Variants in MAPKAPK3 observed in about 807,000 individuals in gnomAD.
MAPKAPK3 encodes MAP kinase-activated protein kinase 3.
In MAPKAPK3, 35 loss-of-function variants were observed where a neutral mutation model predicts 49.2. That is an observed-to-expected ratio of 0.71 (90% confidence interval 0.54 to 0.94). MAPKAPK3 has a LOEUF of 0.94. Ranked by LOEUF, MAPKAPK3 falls within the 40% of genes least tolerant of loss-of-function variation. The pLI, the probability that MAPKAPK3 is intolerant of heterozygous loss-of-function variation, is 0.00. For missense variants in MAPKAPK3, 398 were observed against 493.1 expected (o/e 0.81, Z 1.83); for synonymous variants, 178 against 188.7 (o/e 0.94, Z 0.46).
At chr3:50,630,585 A>G (rs2032878654) in intron 2 of MAPKAPK3, among the ~76,000 whole-genome samples, 1 of 152,258 alleles carries the variant, frequency 6.6e-6, no homozygotes, top group Non-Finnish European at 1.5e-5. Context: ...AACATCTGCC[A>G]TTGTTGTAAC....
chr3:50,633,820 T>C (rs1350408141), intron 2 of MAPKAPK3, among the ~76,000 whole-genome samples: 2 of 152,212 alleles, frequency 1.3e-5, no homozygotes, highest in Non-Finnish European at 2.9e-5. Context: ...AAACTGCAAA[T>C]TGTTTTCCAA....
chr3:50,642,155 C>G, intron 4 of MAPKAPK3, 98 bp from the exon 5 acceptor site: 2 of 814,402 alleles, frequency 2.5e-6, no homozygotes, highest in Middle Eastern at 2.3e-4. Flanking sequence ...GTCTTCTTGT[C>G]TTGTGCTGGC....
At chr3:50,617,907 A>G (rs1348624047) in intron 2 of MAPKAPK3, 123 bp downstream of exon 2, 1 of 740,444 alleles carries the variant, frequency 1.4e-6, no homozygotes, top group Non-Finnish European at 2.3e-6. Flanking sequence ...TCATCGTCAT[A>G]CTGTCCTGTA....
chr3:50,634,967 C>T (rs1267407496), intron 2 of MAPKAPK3, among the ~76,000 whole-genome samples: 1 of 152,190 alleles, frequency 6.6e-6, no homozygotes, highest in Non-Finnish European at 1.5e-5. Flanking sequence ...CAAGGAACGC[C>T]TGTCTAGAAG....
upstream of MAPKAPK3, chr3:50,611,561 TA>T: frequency 6.6e-7 from 1 of 1,523,686 alleles, no homozygotes; most frequent in East Asian, 2.7e-5. Flanking sequence ...GCCCGGCAGC[TA>T]GCACGAAGCC....
At chr3:50,645,925 C>A in intron 7 of MAPKAPK3, 140 bp downstream of exon 7, 1 of 1,011,746 alleles carries the variant, frequency 9.9e-7, no homozygotes, top group Non-Finnish European at 1.5e-6. Flanking sequence ...CTGCCCTTCC[C>A]TTTTGGTCAT....
chr3:50,637,343 A>C (rs1020529802), intron 2 of MAPKAPK3, among the ~76,000 whole-genome samples: 1 of 152,172 alleles, frequency 6.6e-6, no homozygotes, highest in African/African-American at 2.4e-5. Flanking sequence ...AAGCAAAACC[A>C]GTAAGAAAGG....
At chr3:50,615,169 C>G (rs2032430284), upstream of MAPKAPK3, among the ~76,000 whole-genome samples, 3 of 152,298 alleles carry the variant, frequency 2.0e-5, no homozygotes, top group South Asian at 6.2e-4. Context: ...TAGTTGCCTT[C>G]AGAGAGCAGA....
In MAPKAPK3 at chr3:50,640,457, A is replaced by G. The variant is rs1188918209; in HGVS notation, c.311A>G (p.Tyr104Cys). 6.2e-7 allele frequency: 1 copy of G among 1,614,104 alleles called. No individual in the cohort carries two copies. The highest frequency in any genetic ancestry group is 8.5e-7 in the Non-Finnish European group (1 of 1,179,968). ...CATATTGTCTGCATCCTGGATGTGT[A>G]TGAGAACATGCACCATGGCAAGCGC... The part of the protein sequence containing the change: ...GPHIVCILDV[Y>C]ENMHHGKRCL... Residue 104 changes from tyrosine (Y) to cysteine (C), a missense_variant, in exon 3 of 11, where the codon TAT becomes TGT. By Grantham distance (194) the Tyr-to-Cys change is radical (BLOSUM62 -2). Transcript: ENST00000621469.
At chr3:50,621,517 G>T (rs2032608310) in intron 2 of MAPKAPK3, among the ~76,000 whole-genome samples, 2 of 150,356 alleles carry the variant, frequency 1.3e-5, no homozygotes, top group Non-Finnish European at 2.9e-5. Flanking sequence ...AGAATCGCTT[G>T]AACCTGGGAG....
chr3:50,642,794 A>G (rs1383005195), intron 5 of MAPKAPK3, among the ~76,000 whole-genome samples: 7 of 152,168 alleles, frequency 4.6e-5, no homozygotes, highest in African/African-American at 1.7e-4. Context: ...TGTGGATGCA[A>G]TGTGCCAGGC....
intron 8 of MAPKAPK3, 96 bp from the exon 9 acceptor site, chr3:50,646,644 C>A (rs1262413322): frequency 6.4e-6 from 7 of 1,093,758 alleles, no homozygotes; most frequent in Non-Finnish European, 9.7e-6. Flanking sequence ...GGAGCACATG[C>A]AGCCCCTGCC....
upstream of MAPKAPK3, among the ~76,000 whole-genome samples, chr3:50,613,420 T>C (rs748206088): frequency 1.3e-5 from 2 of 152,178 alleles, no homozygotes; most frequent in Non-Finnish European, 2.9e-5. Flanking sequence ...GCCAGCCCCC[T>C]CCTGAGTTGG....
chr3:50,624,695 A>G (rs1371622004), intron 2 of MAPKAPK3, among the ~76,000 whole-genome samples: 1 of 152,144 alleles, frequency 6.6e-6, no homozygotes, highest in Non-Finnish European at 1.5e-5. Flanking sequence ...TCATCATGGA[A>G]GATCTCTGGG....
chr3:50,641,544 C>T (rs941168153), intron 3 of MAPKAPK3, among the ~76,000 whole-genome samples, 163 bp from the exon 4 acceptor site: 1 of 152,208 alleles, frequency 6.6e-6, no homozygotes, highest in Non-Finnish European at 1.5e-5. Flanking sequence ...GACAACCCAC[C>T]ATGCACCAGG....
intron 3 of MAPKAPK3, among the ~76,000 whole-genome samples, chr3:50,641,261 G>A (rs1169019765): frequency 1.3e-5 from 2 of 152,184 alleles, no homozygotes; most frequent in Admixed American, 1.3e-4. Context: ...ACAGAGAGGT[G>A]AAAGAACCAG....
upstream of MAPKAPK3, chr3:50,614,024 T>G (rs140793721): frequency 1.3e-5 from 2 of 152,420 alleles, no homozygotes; most frequent in Non-Finnish European, 2.9e-5. Flanking sequence ...TACAGGTCAG[T>G]GATTATGCAG....
intron 2 of MAPKAPK3, among the ~76,000 whole-genome samples, chr3:50,633,304 A>G (rs2032957752): frequency 6.6e-6 from 1 of 151,994 alleles, no homozygotes; most frequent in African/African-American, 2.4e-5. Context: ...TTCAAAGTCA[A>G]TATTGCAGAG....
At chr3:50,616,411 T>C (rs2032465270), upstream of MAPKAPK3, among the ~76,000 whole-genome samples, 1 of 152,214 alleles carries the variant, frequency 6.6e-6, no homozygotes, top group South Asian at 2.1e-4. Flanking sequence ...GAGACTTATA[T>C]GTGCAAGGCA....
Sources: gnomAD v4.1 joint callset for allele counts (sites outside exome capture counted in the v4.1 genomes callset) on GRCh38, gnomAD v4.1.1 for gene constraint, MANE v1.5 for transcripts, NCBI Gene and HGNC (gene_info 2026-07-23, HGNC 2026-07-21) for gene names.